Variants in TTC28 observed in about 807,000 individuals in gnomAD.
TTC28 encodes the protein tetratricopeptide repeat protein 28.
A neutral mutation model predicts 198.0 loss-of-function variants in TTC28; 61 were observed. The observed-to-expected ratio is 0.31, with a 90% CI of 0.25 to 0.38. The LOEUF is 0.38. Among genes scored for constraint, TTC28 ranks in the 10% least tolerant of loss-of-function variants. The pLI, the probability that TTC28 is intolerant of heterozygous loss-of-function variation, is 1.00. For missense variants in TTC28, 2,678 were observed against 3,164.0 expected, an observed-to-expected ratio of 0.85 and a Z score of 3.69; for synonymous variants, 1,171 against 1,297.8, an observed-to-expected ratio of 0.90 and a Z score of 2.10.
At chr22:28,000,369 AT>A (rs1224452618) in intron 15 of TTC28, 3 of 152,282 alleles carry the variant, frequency 2.0e-5, no homozygotes, top group African/African-American at 7.2e-5. Context: ...GGGGCCACCC[AT>A]GCACAGGGCC....
Position 28,166,905 on chromosome 22 carries a change from C to G in TTC28, c.934-3306G>C, listed in dbSNP as rs1054559179. On this transcript the variant is annotated intron_variant, in intron 5 of 22. Transcript: ENST00000397906. ...AGGAGCTGGTTTTTGAAAAGATCAA[C>G]AAAATTGATGGACTGCTAGAAAGAC... Among the ~76,000 whole-genome samples the G allele has an allele frequency of 9.9e-5, 15 of 151,730 alleles. No homozygotes were observed. In the East Asian group the frequency reaches 1.4e-3, roughly 14 times the overall value.
intron 2 of TTC28, among the ~76,000 whole-genome samples, chr22:28,493,047 TAAA>T (rs750347534): frequency 4.5e-5 from 3 of 66,348 alleles, no homozygotes; most frequent in Admixed American, 1.8e-4. Context: ...TTCACGATAC[TAAA>T]AAAAAAAAAA....
intron 2 of TTC28, among the ~76,000 whole-genome samples, chr22:28,587,805 G>C (rs1384150859): frequency 6.6e-6 from 1 of 152,042 alleles, no homozygotes; most frequent in Non-Finnish European, 1.5e-5. Context: ...TAAAGTGTTG[G>C]TGATTTTCCT....
chr22:28,012,646 G>A (rs1253186406), intron 14 of TTC28, among the ~76,000 whole-genome samples: 1 of 152,068 alleles, frequency 6.6e-6, no homozygotes, highest in Non-Finnish European at 1.5e-5. Context: ...CGAGTAGCTG[G>A]GACTACAGTT....
chr22:28,319,257 AT>A lies in TTC28; in HGVS notation c.382-12615del, dbSNP rs549020141. 2.2e-4 allele frequency among the ~76,000 whole-genome samples: 33 copies of A among 152,250 alleles called. 1 individual carries two copies. The highest frequency in any genetic ancestry group is 7.5e-4 in the African/African-American group (31 of 41,540). ...CTGTTCAGGTCCCTTCCTCAGAAGC[AT>A]GTTCTTTTCTGGAGACTCTTATTAC... On this transcript the variant is annotated intron_variant, in intron 2 of 22. Transcript: ENST00000397906.
chr22:28,133,113 C>T (rs1270356541), intron 6 of TTC28, among the ~76,000 whole-genome samples: 1 of 152,210 alleles, frequency 6.6e-6, no homozygotes, highest in African/African-American at 2.4e-5. Flanking sequence ...ATTCCAGCTA[C>T]TCAGGAGGCT....
chr22:28,096,186 T>C lies in TTC28; in HGVS notation c.3766+4A>G, dbSNP rs1301643333. 1 of 1,537,272 alleles carries C rather than the reference T, an allele frequency of 6.5e-7. No homozygotes were observed. The highest frequency in any genetic ancestry group is 8.8e-7 in the Non-Finnish European group (1 of 1,138,462). ...TGCCCTGTTCCCACAGAAAGAGATCTTACCTGCCCCAGGAGCCAGCAGCCA... is the reference window on the plus strand; with the variant it reads ...TGCCCTGTTCCCACAGAAAGAGATCCTACCTGCCCCAGGAGCCAGCAGCCA... On this transcript the variant is annotated splice_donor_region_variant and intron_variant, in intron 11 of 22. Coordinates refer to ENST00000397906, the MANE Select transcript of TTC28 (RefSeq NM_001145418.2).
rs371130925 is a variant in TTC28 at position 28,613,841 on chromosome 22, T to C, written c.381+15711A>G. 4.6e-5 allele frequency among the ~76,000 whole-genome samples: 7 copies of C among 152,316 alleles called. No individual in the cohort carries two copies. The East Asian group carries it at 1.4e-3, about 29-fold the overall frequency. On this transcript the variant is annotated intron_variant, in intron 2 of 22. Coordinates refer to ENST00000397906, the MANE Select transcript of TTC28 (RefSeq NM_001145418.2). ...TGATAACCCACAGCCAATGTCATACTGAATGGGCAAAAACTGGAAGCATTC... is the reference window on the plus strand; with the variant it reads ...TGATAACCCACAGCCAATGTCATACCGAATGGGCAAAAACTGGAAGCATTC...
intron 6 of TTC28, among the ~76,000 whole-genome samples, chr22:28,140,239 G>T (rs1346739714): frequency 2.6e-5 from 4 of 152,212 alleles, no homozygotes; most frequent in Non-Finnish European, 4.4e-5. Context: ...TCAGCTGGAA[G>T]TCTTGCTAGG....
At chr22:28,656,730 A>G (rs1465138288) in intron 1 of TTC28, among the ~76,000 whole-genome samples, 1 of 152,140 alleles carries the variant, frequency 6.6e-6, no homozygotes, top group African/African-American at 2.4e-5. Context: ...AACAAAAACA[A>G]TATCTCATTG....
intron 5 of TTC28, among the ~76,000 whole-genome samples, chr22:28,260,427 C>T (rs983440382): frequency 6.6e-5 from 10 of 152,032 alleles, no homozygotes; most frequent in Non-Finnish European, 1.0e-4. Context: ...TAGAGAGGAA[C>T]CTTAACAGGC....
At chr22:28,346,092 A>AT (rs2045898780) in intron 2 of TTC28, among the ~76,000 whole-genome samples, 1 of 152,196 alleles carries the variant, frequency 6.6e-6, no homozygotes, top group South Asian at 2.1e-4. Context: ...CGTATTCTTT[A>AT]TAACAACCTG....
intron 5 of TTC28, among the ~76,000 whole-genome samples, chr22:28,272,863 G>A (rs1444827819): frequency 6.6e-6 from 1 of 152,086 alleles, no homozygotes; most frequent in Admixed American, 6.6e-5. Context: ...CCAAGTGTCT[G>A]AGCCACCACT....
At chr22:28,594,478 G>T (rs2050501299) in intron 2 of TTC28, among the ~76,000 whole-genome samples, 1 of 149,178 alleles carries the variant, frequency 6.7e-6, no homozygotes, top group South Asian at 2.1e-4. Flanking sequence ...CCACTGTTAG[G>T]ATTTTAAGTT....
In TTC28 at chr22:28,227,290, G is replaced by T. The variant is rs538815674; in HGVS notation, c.934-63691C>A. ...AAGAGCTAAAACTATAAAACTCTTAGAATAAAACATTGAGGAAAAGCTTCG... is the reference window on the plus strand; with the variant it reads ...AAGAGCTAAAACTATAAAACTCTTATAATAAAACATTGAGGAAAAGCTTCG... On this transcript the variant is annotated intron_variant, in intron 5 of 22. Coordinates refer to ENST00000397906, the MANE Select transcript of TTC28 (RefSeq NM_001145418.2). Among the ~76,000 whole-genome samples the T allele has an allele frequency of 5.3e-5, 8 of 152,210 alleles. No homozygotes were observed. The South Asian group carries it at 1.7e-3, about 32-fold the overall frequency.
At chr22:28,341,773 G>T (rs1004607302) in intron 2 of TTC28, among the ~76,000 whole-genome samples, 1 of 152,018 alleles carries the variant, frequency 6.6e-6, no homozygotes, top group African/African-American at 2.4e-5. Flanking sequence ...CTGGGTGACA[G>T]AGTGAATGTG....
intron 2 of TTC28, among the ~76,000 whole-genome samples, chr22:28,399,701 G>A (rs917336542): frequency 6.6e-6 from 1 of 152,096 alleles, no homozygotes; most frequent in Non-Finnish European, 1.5e-5. Flanking sequence ...TCAGTTCAAA[G>A]ATAATAAGTT....
At chr22:28,163,654 A>G in intron 5 of TTC28, 55 bp from the exon 6 acceptor site, 1 of 1,458,772 alleles carries the variant, frequency 6.9e-7, no homozygotes, top group Non-Finnish European at 9.0e-7. Flanking sequence ...TGGTTTTGGT[A>G]TATTTTGGCA....
At chr22:28,039,193 A>C (rs1414882040) in intron 12 of TTC28, among the ~76,000 whole-genome samples, 1 of 152,120 alleles carries the variant, frequency 6.6e-6, no homozygotes, top group Non-Finnish European at 1.5e-5. Context: ...GGATTATAAA[A>C]CATGCTGCTA....
Sources: gnomAD v4.1 joint callset for allele counts (sites outside exome capture counted in the v4.1 genomes callset) on GRCh38, gnomAD v4.1.1 for gene constraint, MANE v1.5 for transcripts, NCBI Gene and HGNC (gene_info 2026-07-23, HGNC 2026-07-21) for gene names.